GRID1: variants seen among roughly 807,000 people sequenced by gnomAD.
GRID1 encodes glutamate receptor ionotropic, delta-1.
In GRID1, 28 loss-of-function variants were observed where a neutral mutation model predicts 98.0. The observed-to-expected ratio is 0.29, with a 90% confidence interval of 0.21 to 0.39. The LOEUF is 0.39. Ranked by LOEUF, GRID1 falls within the 10% of genes least tolerant of loss-of-function variation. The pLI is 1.00. For missense variants in GRID1, 1,111 were observed against 1,340.5 expected, an observed-to-expected ratio of 0.83 and a Z score of 2.67; for synonymous variants, 553 against 538.5, an observed-to-expected ratio of 1.03 and a Z score of -0.37.
At chr10:85,966,738 C>T (rs1001893397) in intron 4 of GRID1, among the ~76,000 whole-genome samples, 5 of 151,632 alleles carry the variant, frequency 3.3e-5, no homozygotes, top group African/African-American at 7.3e-5. Flanking sequence ...CACTTGAACC[C>T]GAGAGGCAGA....
chr10:85,916,002 C>A lies in GRID1; in HGVS notation c.780+184G>T, dbSNP rs1294813220. 6.6e-6 allele frequency among the ~76,000 whole-genome samples: 1 copy of A among 152,242 alleles called. No homozygotes were observed. Among genetic ancestry groups the A allele is most frequent in the African/African-American group, 2.4e-5 (1 of 41,454 alleles). ...GTCAGGATTCTTTCTCTCGTTCCCA[C>A]CTGCCAGGTGAGCACCCTGCTAGGT... On this transcript the variant is annotated intron_variant, in intron 5 of 15. Coordinates refer to ENST00000327946, the MANE Select transcript of GRID1 (RefSeq NM_017551.3). The surrounding 1 kb of genome is among the most constrained non-coding windows in gnomAD (Gnocchi z 4.0).
intron 5 of GRID1, among the ~76,000 whole-genome samples, chr10:85,913,715 G>A (rs908040527): frequency 6.6e-5 from 10 of 152,170 alleles, no homozygotes; most frequent in East Asian, 1.9e-4. Flanking sequence ...CTTGAGGCCC[G>A]GGAGGCAGAG....
chr10:86,304,866 T>A (rs1847738052), intron 2 of GRID1, among the ~76,000 whole-genome samples: 1 of 152,126 alleles, frequency 6.6e-6, no homozygotes. Context: ...CTGAGCCTCT[T>A]GGTCTACATC....
intron 15 of GRID1, 26 bp downstream of exon 15, chr10:85,613,381 G>A (rs1196733551): frequency 2.5e-6 from 4 of 1,598,510 alleles, no homozygotes; most frequent in Admixed American, 1.7e-5. Flanking sequence ...GGCTGTGAAA[G>A]GGAGGGCAGG....
intron 2 of GRID1, among the ~76,000 whole-genome samples, chr10:86,340,046 G>A (rs565639596): frequency 3.9e-5 from 6 of 152,242 alleles, no homozygotes; most frequent in South Asian, 2.1e-4. Context: ...TCACAGAGGC[G>A]GAGACAGCAG....
chr10:86,247,011 T>C (rs1846740005), intron 2 of GRID1, among the ~76,000 whole-genome samples: 1 of 152,268 alleles, frequency 6.6e-6, no homozygotes, highest in East Asian at 1.9e-4. Context: ...GAGCCTCATC[T>C]CTTTTTGGGT....
At chr10:86,113,896 A>G (rs1844530672) in intron 4 of GRID1, among the ~76,000 whole-genome samples, 1 of 152,228 alleles carries the variant, frequency 6.6e-6, no homozygotes, top group African/African-American at 2.4e-5. Flanking sequence ...TTTGCCTAAC[A>G]TAAGGTAATT....
chr10:86,366,214 G>C lies in GRID1; in HGVS notation c.79+100C>G. 1.4e-6 allele frequency: 1 copy of C among 726,818 alleles called. No homozygotes were observed. The highest frequency in any genetic ancestry group is 2.0e-6 in the Non-Finnish European group (1 of 502,196). 45.0% of individuals were successfully genotyped at this position (726,818 alleles called of 1,614,324 possible). A position where few individuals can be genotyped will look rare whatever the true frequency, so the allele number is the denominator to read the frequency against. On this transcript the variant is annotated intron_variant, in intron 1 of 15. Transcript: ENST00000327946. This position sits in a 1 kb window ranked among gnomAD's most constrained non-coding sequence, Gnocchi z 4.1. ...GCCCTTCGGGGGAGCACCGCCCGCCGAGCCCCTCGGCCCAGGGAAACGCCA... is the reference window on the plus strand; with the variant it reads ...GCCCTTCGGGGGAGCACCGCCCGCCCAGCCCCTCGGCCCAGGGAAACGCCA...
At chr10:86,146,398 C>T (rs974132057) in intron 3 of GRID1, among the ~76,000 whole-genome samples, 1 of 152,168 alleles carries the variant, frequency 6.6e-6, no homozygotes, top group African/African-American at 2.4e-5. Flanking sequence ...TACCCAGCCT[C>T]CTCTCTTTCA....
chr10:85,625,438 C>T (rs1248261536), intron 13 of GRID1, among the ~76,000 whole-genome samples: 1 of 152,190 alleles, frequency 6.6e-6, no homozygotes, highest in Non-Finnish European at 1.5e-5. Flanking sequence ...TCATTCTCCG[C>T]TTTTCCTAAA....
chr10:86,167,222 T>C (rs944803060), intron 3 of GRID1, among the ~76,000 whole-genome samples: 9 of 152,224 alleles, frequency 5.9e-5, no homozygotes, highest in Non-Finnish European at 1.3e-4. Context: ...GCCTGGGCCC[T>C]GGGAGGGTGT....
chr10:86,252,260 C>T (rs1846847544), intron 2 of GRID1, among the ~76,000 whole-genome samples: 1 of 152,198 alleles, frequency 6.6e-6, no homozygotes, highest in Non-Finnish European at 1.5e-5. Flanking sequence ...TAATATCACG[C>T]CCAGCCTGCA....
chr10:86,355,735 C>T (rs1340810673), intron 2 of GRID1, among the ~76,000 whole-genome samples: 1 of 152,242 alleles, frequency 6.6e-6, no homozygotes, highest in Non-Finnish European at 1.5e-5. Flanking sequence ...AGTTGTTGGA[C>T]ACAGACCCAG....
intron 4 of GRID1, among the ~76,000 whole-genome samples, chr10:86,074,754 G>A (rs1318077803): frequency 6.6e-6 from 1 of 152,192 alleles, no homozygotes; most frequent in Non-Finnish European, 1.5e-5. Context: ...CACTCTGATG[G>A]AAAGGAATGT....
rs1216699595 is a variant in GRID1, at chr10:85,916,274, C to A, written c.727-35G>T. 5 of 1,522,730 alleles carry A rather than the reference C, an allele frequency of 3.3e-6. No individual in the cohort carries two copies. Among genetic ancestry groups the A allele is most frequent in the Non-Finnish European group, 4.6e-6 (5 of 1,097,124 alleles). The allele number at this position is 1,522,730 out of a possible 1,614,324, so 94.3% of individuals were successfully genotyped here. ...GAAAAAGAACGAACATGAACAGAAG[C>A]AAGACAGAAGCTGGCAGACACAGGA... On this transcript the variant is annotated intron_variant, in intron 4 of 15. Coordinates refer to ENST00000327946, the MANE Select transcript of GRID1 (RefSeq NM_017551.3). The surrounding 1 kb of genome is among the most constrained non-coding windows in gnomAD (Gnocchi z 4.0).
intron 3 of GRID1, among the ~76,000 whole-genome samples, chr10:86,140,941 T>C (rs66709607): frequency 0.045 from 6,916 of 152,032 alleles, 165 homozygotes; most frequent in Non-Finnish European, 0.054. Context: ...CCCTGGGGGC[T>C]CTCTAGAGAT....
chr10:86,132,780 T>C (rs1272063762), intron 4 of GRID1, among the ~76,000 whole-genome samples: 1 of 152,242 alleles, frequency 6.6e-6, no homozygotes, highest in Non-Finnish European at 1.5e-5. Context: ...CAGCAAACTC[T>C]GAGAAGCAAT....
intron 4 of GRID1, among the ~76,000 whole-genome samples, chr10:85,978,623 A>G (rs1284225672): frequency 6.6e-6 from 1 of 152,184 alleles, no homozygotes; most frequent in Non-Finnish European, 1.5e-5. Context: ...AGAAAAAAAA[A>G]AAGCTAACAC....
chr10:86,361,589 T>TG (rs1461273818), intron 2 of GRID1, among the ~76,000 whole-genome samples: 1 of 152,216 alleles, frequency 6.6e-6, no homozygotes, highest in Non-Finnish European at 1.5e-5. Context: ...AAAAGGCCCC[T>TG]GGGTGGAACC....
Sources: gnomAD v4.1 joint callset for allele counts (sites outside exome capture counted in the v4.1 genomes callset) on GRCh38, gnomAD v4.1.1 for gene constraint, Gnocchi (gnomAD v3.1) non-coding constraint, MANE v1.5 for transcripts, NCBI Gene and HGNC (gene_info 2026-07-23, HGNC 2026-07-21) for gene names.